The following STAB1 variants were observed in gnomAD, a reference collection of about 807,000 sequenced individuals.
STAB1 encodes the protein stabilin-1.
Under a neutral mutation model 332.4 loss-of-function variants are expected in STAB1, and 250 were observed. That is an observed-to-expected ratio of 0.75 (90% CI 0.68 to 0.84). The LOEUF (loss-of-function observed/expected upper bound fraction) is 0.84, where lower values mean the gene tolerates loss of function less well. Among genes scored for constraint, STAB1 ranks in the 40% least tolerant of loss-of-function variants. STAB1 has a pLI of 0.00. For missense variants in STAB1, 3,249 were observed against 3,489.7 expected, an observed-to-expected ratio of 0.93 and a Z score of 1.74; for synonymous variants, 1,475 against 1,390.4, an observed-to-expected ratio of 1.06 and a Z score of -1.35.
chr3:52,518,836 C>A lies in STAB1; in HGVS notation c.5001C>A (p.Leu1667=). ...DLLEQGYATA[L]SGHPLRFSER... ...TGGAGCAGGGGTACGCCACGGCCCT[C>A]TCAGGGCACCCACTGCGCTTCAGCG... Residue 1667 remains leucine, a synonymous_variant, in exon 48 of 69, where the codon CTC becomes CTA. Transcript: ENST00000321725. 1 of 1,607,354 alleles carries A rather than the reference C, an allele frequency of 6.2e-7. No homozygotes were observed.
In STAB1 at chr3:52,506,184, G is replaced by A. The variant is rs908141960; in HGVS notation, c.1764G>A (p.Lys588=). 4 of 1,612,146 alleles carry A rather than the reference G, an allele frequency of 2.5e-6. No individual in the cohort carries two copies. Among genetic ancestry groups the A allele is most frequent in the Non-Finnish European group, 3.4e-6 (4 of 1,179,454 alleles). ...CCTTGCCCCAGCTGACCGTTGAGAA[G>A]CTCATCTCCAAGGGTCGGATCCTCA... ...IYNHGQLTVE[K]LISKGRILTM... Residue 588 remains lysine (K), a synonymous_variant, in exon 17 of 69, where the codon AAG becomes AAA. Coordinates refer to ENST00000321725, the MANE Select transcript of STAB1 (RefSeq NM_015136.3).
chr3:52,516,002 C>A, intron 37 of STAB1, 41 bp from the exon 38 acceptor site: 1 of 1,542,714 alleles, frequency 6.5e-7, no homozygotes, highest in Non-Finnish European at 8.7e-7. Flanking sequence ...TGACACCTTG[C>A]TGGGCCTCTC....
In STAB1 at chr3:52,507,684, A is replaced by T; in HGVS notation, c.2052+9A>T. The T allele has an allele frequency of 6.2e-7, 1 of 1,613,402 alleles. No homozygotes were observed. The highest frequency in any genetic ancestry group is 8.5e-7 in the Non-Finnish European group (1 of 1,179,962). On this transcript the variant is annotated intron_variant, in intron 19 of 68. Transcript: ENST00000321725. ...CCAACAGTGTGAAGCTGGTGAGCAC[A>T]CCTTGGCCCAGCTCTCAGGGCCTCC...
At chr3:52,501,817 C>T (rs1708469347) in intron 3 of STAB1, 64 bp downstream of exon 3, 3 of 1,470,950 alleles carry the variant, frequency 2.0e-6, no homozygotes, top group Non-Finnish European at 1.9e-6. Context: ...GGCAAGCCCT[C>T]TGCAGGAGCC....
At chr3:52,523,838 C>T (rs372460600) in intron 66 of STAB1, 33 bp from the exon 67 acceptor site, 24 of 1,585,254 alleles carry the variant, frequency 1.5e-5, no homozygotes, top group African/African-American at 9.4e-5. Context: ...GGACAGCTCC[C>T]GCCAGGTCAA....
chr3:52,504,571 A>T, intron 11 of STAB1, 22 bp downstream of exon 11: 1 of 1,613,366 alleles, frequency 6.2e-7, no homozygotes, highest in African/African-American at 1.3e-5. Flanking sequence ...CCCATGGTGG[A>T]GCTGGCCACT....
At position 52,502,672 on chromosome 3, in the gene STAB1, T is replaced by C. The variant is rs1325675836; in HGVS notation, c.528T>C (p.Arg176=). 1.2e-6 allele frequency: 2 copies of C among 1,613,776 alleles called. No homozygotes were observed. The highest frequency in any genetic ancestry group is 2.2e-5 in the South Asian group (2 of 91,080). ...CVHGVCNHGP[R]GDGSCLCFAG... is the part of the protein sequence containing the mutation. ...ACGGAGTGTGCAACCATGGGCCACG[T>C]GGGGATGGAAGCTGCCTGTGCTTTG... The change falls in exon 6 of 69, where the codon CGT becomes CGC. Residue 176 remains arginine, a synonymous_variant. Coordinates refer to ENST00000321725, the MANE Select transcript of STAB1 (RefSeq NM_015136.3).
chr3:52,510,249 C>A lies in STAB1; in HGVS notation c.2628+14C>A, dbSNP rs371824572. On this transcript the variant is annotated intron_variant, in intron 24 of 68. Transcript: ENST00000321725. ...TGCTCAGAGAATGTCAGTCCCCTTG[C>A]TCCTTCCCTGAAGTTCTGACCCAGA... The A allele has an allele frequency of 7.4e-6, 12 of 1,613,930 alleles. No homozygotes were observed. The African/African-American group carries it at 1.6e-4, about 22-fold the overall frequency.
rs763673136 is a variant in STAB1, at chr3:52,518,829, C to A, written c.4994C>A (p.Thr1665Lys). 6.2e-7 allele frequency: 1 copy of A among 1,608,830 alleles called. No individual in the cohort carries two copies. The highest frequency in any genetic ancestry group is 1.1e-5 in the South Asian group (1 of 90,872). Reference sequence around the variant, plus strand: ...GACCTGCTGGAGCAGGGGTACGCCACGGCCCTCTCAGGGCACCCACTGCGC... The same window carrying A: ...GACCTGCTGGAGCAGGGGTACGCCAAGGCCCTCTCAGGGCACCCACTGCGC... ...SEDLLEQGYA[T>K]ALSGHPLRFS... Residue 1665 changes from threonine (T) to lysine (K), a missense_variant, in exon 48 of 69, where the codon ACG (threonine) becomes AAG (lysine). Coordinates refer to ENST00000321725, the MANE Select transcript of STAB1 (RefSeq NM_015136.3).
Position 52,512,428 on chromosome 3 carries a change from A to G in STAB1, c.2971A>G (p.Ile991Val). Residue 991 changes from isoleucine (I) to valine (V), a missense_variant, in exon 27 of 69, where the codon ATC becomes GTC. Ile to Val is a conservative substitution (Grantham distance 29). Coordinates refer to ENST00000321725, the MANE Select transcript of STAB1 (RefSeq NM_015136.3). ...TGATGGCTTCAGCTGTTATGGAGAC[A>G]TCTTCCGGGTAAGGGGTGCTCAGAC... Reference protein sequence around the residue: ...GGDGFSCYGDIFRELEANAHF... With the variant: ...GGDGFSCYGDVFRELEANAHF... The G allele has an allele frequency of 1.2e-6, 2 of 1,610,156 alleles. No homozygotes were observed. Among genetic ancestry groups the G allele is most frequent in the Non-Finnish European group, 1.7e-6 (2 of 1,178,344 alleles).
At chr3:52,505,966 G>A in intron 16 of STAB1, 30 bp downstream of exon 16, 1 of 1,612,580 alleles carries the variant, frequency 6.2e-7, no homozygotes, top group Non-Finnish European at 8.5e-7. Context: ...GGGGCGGCCA[G>A]CTTGTACCCG....
intron 1 of STAB1, among the ~76,000 whole-genome samples, chr3:52,496,026 C>T (rs1021044191): frequency 7.9e-5 from 12 of 152,228 alleles, no homozygotes; most frequent in East Asian, 1.9e-4. Flanking sequence ...GCCACAGCCC[C>T]GGGCAGGTCC....
At position 52,508,303 on chromosome 3, in the gene STAB1, C is replaced by T. The variant is rs1044665101; in HGVS notation, c.2179C>T (p.Pro727Ser). 4.3e-6 allele frequency: 7 copies of T among 1,613,532 alleles called. No homozygotes were observed. Among genetic ancestry groups the T allele is most frequent in the Non-Finnish European group, 5.9e-6 (7 of 1,179,734 alleles). ...AGGCTGCTGCAAAGGTTTTTTCGGG[C>T]CTGACTGCACGCAGTGTCCTGGGGG... ...EQGCCKGFFGPDCTQCPGGFS... is the reference protein window; with the variant it reads ...EQGCCKGFFGSDCTQCPGGFS... Residue 727 changes from proline to serine, a missense_variant, in exon 21 of 69, where the codon CCT becomes TCT. By Grantham distance (74) the Pro-to-Ser change is moderately conservative (BLOSUM62 -1). Transcript: ENST00000321725.
intron 14 of STAB1, 27 bp from the exon 15 acceptor site, chr3:52,505,641 C>G: frequency 6.2e-7 from 1 of 1,608,018 alleles, no homozygotes. Context: ...CCATGCAACC[C>G]CCTGAGCCTC....
At chr3:52,506,112 G>A (rs1394228157) in intron 16 of STAB1, 58 bp from the exon 17 acceptor site, 2 of 1,562,764 alleles carry the variant, frequency 1.3e-6, no homozygotes, top group Non-Finnish European at 8.7e-7. Flanking sequence ...GCAGGACTGG[G>A]CGTGGCCCCA....
chr3:52,504,156 G>A lies in STAB1; in HGVS notation c.1150+1G>A, dbSNP rs1462004430. The A allele has an allele frequency of 1.9e-6, 3 of 1,586,550 alleles. No individual in the cohort carries two copies. Among genetic ancestry groups the A allele is most frequent in the African/African-American group, 2.7e-5 (2 of 74,630 alleles). ...CTGAGGGTCGCCGTGGCCATGATGG[G>A]TGCGTGACCCCACTGCTTGCCCACG... On this transcript the variant is annotated splice_donor_variant, in intron 10 of 68. Transcript: ENST00000321725. LOFTEE classifies it high-confidence loss of function.
Position 52,524,210 on chromosome 3 carries a change from C to A in STAB1, c.7653C>A (p.Phe2551Leu), listed in dbSNP as rs143360465. ...VFGSDTFCEP[F>L]DDSLLEEDFP... ...GCAGCGACACCTTTTGTGAACCCTT[C>A]GATGTAAGCATGGAAGTGAAGAAGT... is the stretch of plus-strand genomic sequence containing the variant. The change falls in exon 68 of 69, where the codon TTC (phenylalanine) becomes TTA (leucine). Residue 2551 changes from phenylalanine to leucine, a missense_variant. Coordinates refer to ENST00000321725, the MANE Select transcript of STAB1 (RefSeq NM_015136.3). 1 of 1,614,090 alleles carries A rather than the reference C, an allele frequency of 6.2e-7. No homozygotes were observed.
intron 38 of STAB1, 28 bp downstream of exon 38, chr3:52,516,266 G>GGGGCC: frequency 8.8e-6 from 7 of 794,154 alleles, no homozygotes; most frequent in Non-Finnish European, 1.5e-5. Context: ...GCGGGGGTGG[G>GGGGCC]CCTCCTGGCA....
In STAB1 at chr3:52,515,024, C is replaced by T. The variant is rs2078811007; in HGVS notation, c.3843C>T (p.Cys1281=). 1 of 1,613,450 alleles carries T rather than the reference C, an allele frequency of 6.2e-7. No individual in the cohort carries two copies. The highest frequency in any genetic ancestry group is 1.3e-5 in the African/African-American group (1 of 74,942). The part of the protein sequence containing the change: ...KCVNCTRRFR[C]TQGFQLQDTP... ...TAAACTGCACCAGGAGATTCCGCTG[C>T]ACTCAGGGCTTCCAGCTGCAGGTGA... The change falls in exon 36 of 69, where the codon TGC becomes TGT. Residue 1281 remains cysteine, a synonymous_variant. Coordinates refer to ENST00000321725, the MANE Select transcript of STAB1 (RefSeq NM_015136.3).
Sources: gnomAD v4.1 joint callset for allele counts (sites outside exome capture counted in the v4.1 genomes callset) on GRCh38, gnomAD v4.1.1 for gene constraint, MANE v1.5 for transcripts, NCBI Gene and HGNC (gene_info 2026-07-23, HGNC 2026-07-21) for gene names.